Variants in SPAG9 observed in about 807,000 individuals in gnomAD.
SPAG9 encodes the protein C-Jun-amino-terminal kinase-interacting protein 4.
Under a neutral mutation model 166.5 loss-of-function variants are expected in SPAG9, and 35 were observed. That is an observed-to-expected ratio of 0.21 (90% CI 0.16 to 0.28). SPAG9 has a LOEUF of 0.28. Ranked by LOEUF, SPAG9 falls within the 10% of genes least tolerant of loss-of-function variation. The probability of loss-of-function intolerance (pLI) is 1.00; values close to 1 mark genes in which losing one functional copy is unlikely to be tolerated. For missense variants in SPAG9, 1,235 were observed against 1,603.3 expected (o/e 0.77, Z 3.92); for synonymous variants, 534 against 565.5 (o/e 0.94, Z 0.79).
chr17:50,971,025 G>A (rs1449236427), intron 28 of SPAG9, among the ~76,000 whole-genome samples, 169 bp from the exon 29 acceptor site: 1 of 152,040 alleles, frequency 6.6e-6, no homozygotes, highest in East Asian at 1.9e-4. Context: ...TTACATGAAG[G>A]TTTTAAGAAC....
At chr17:51,059,778 A>G (rs867512781) in intron 2 of SPAG9, among the ~76,000 whole-genome samples, 1 of 151,676 alleles carries the variant, frequency 6.6e-6, no homozygotes, top group South Asian at 2.1e-4. Flanking sequence ...CAAAAAACAA[A>G]CAAACAAACA....
chr17:51,022,585 G>A (rs17651063), intron 6 of SPAG9, among the ~76,000 whole-genome samples: 36,449 of 151,426 alleles, frequency 0.24, 5,246 homozygotes, highest in Admixed American at 0.34. Context: ...GGAGCACCCA[G>A]GTTTTAAGAA....
intron 1 of SPAG9, among the ~76,000 whole-genome samples, chr17:51,088,623 C>T (rs897744244): frequency 1.3e-5 from 2 of 152,052 alleles, no homozygotes; most frequent in Non-Finnish European, 2.9e-5. Context: ...GGTGAAACCT[C>T]GTCTCTACTA....
At chr17:51,000,319 C>T (rs1247645823) in intron 13 of SPAG9, among the ~76,000 whole-genome samples, 1 of 152,172 alleles carries the variant, frequency 6.6e-6, no homozygotes, top group Non-Finnish European at 1.5e-5. Context: ...CTTTTCACTA[C>T]TTTTTTGTTA....
intron 1 of SPAG9, among the ~76,000 whole-genome samples, chr17:51,108,490 T>C (rs2049016855): frequency 6.6e-6 from 1 of 152,084 alleles, no homozygotes; most frequent in African/African-American, 2.4e-5. Context: ...ATAATTTGTT[T>C]TCTTTTTGAG....
intron 2 of SPAG9, among the ~76,000 whole-genome samples, chr17:51,077,025 GCTATCTATCTAGCTATCTAGCTAT>G (rs2048007928): frequency 7.0e-4 from 61 of 86,774 alleles, no homozygotes; most frequent in South Asian, 2.2e-3. Context: ...TAGCTATCTA[GCTATCTATCTAGCTATCTAGCTAT>G]CTAGCTAGCT....
chr17:50,981,233 A>G (rs1449501126), intron 25 of SPAG9, among the ~76,000 whole-genome samples: 5 of 152,176 alleles, frequency 3.3e-5, no homozygotes, highest in African/African-American at 1.2e-4. Context: ...TAAAGTATAC[A>G]GGAAACATAA....
intron 29 of SPAG9, among the ~76,000 whole-genome samples, chr17:50,968,089 C>A (rs1429154982): frequency 6.6e-6 from 1 of 152,200 alleles, no homozygotes; most frequent in Non-Finnish European, 1.5e-5. Context: ...TCCCTAACAA[C>A]TCCTCTCATA....
At chr17:51,045,920 T>C (rs945927711) in intron 4 of SPAG9, among the ~76,000 whole-genome samples, 1 of 152,230 alleles carries the variant, frequency 6.6e-6, no homozygotes, top group African/African-American at 2.4e-5. Flanking sequence ...AACTTTGATG[T>C]GTAAATAATG....
chr17:51,060,327 AC>A (rs1354579060), intron 2 of SPAG9, among the ~76,000 whole-genome samples: 3 of 151,866 alleles, frequency 2.0e-5, no homozygotes, highest in Non-Finnish European at 4.4e-5. Context: ...ACATGGTGAA[AC>A]CCTGTTTCTA....
chr17:50,969,397 C>T (rs1973605548), intron 29 of SPAG9, among the ~76,000 whole-genome samples: 1 of 152,178 alleles, frequency 6.6e-6, no homozygotes, highest in Non-Finnish European at 1.5e-5. Flanking sequence ...TCCTTCCCCA[C>T]ATTCTCATCA....
intron 18 of SPAG9, 58 bp downstream of exon 18, chr17:50,994,999 T>C (rs548331013): frequency 2.9e-5 from 40 of 1,397,428 alleles, no homozygotes; most frequent in Non-Finnish European, 3.3e-5. Context: ...AAATTTTGGA[T>C]GAAAGAGTTA....
At chr17:51,012,478 G>A (rs1167663370) in intron 9 of SPAG9, among the ~76,000 whole-genome samples, 2 of 151,744 alleles carry the variant, frequency 1.3e-5, no homozygotes, top group Middle Eastern at 3.4e-3. Flanking sequence ...GCTGAGGCAG[G>A]AGAATCACTT....
intron 6 of SPAG9, among the ~76,000 whole-genome samples, chr17:51,026,320 GAAAAAAAA>G (rs55851511): frequency 1.0e-4 from 9 of 89,370 alleles, no homozygotes; most frequent in Admixed American, 3.2e-4. Flanking sequence ...GGTGAAAAGA[GAAAAAAAA>G]AAAAAAAAAA....
chr17:51,094,312 A>G (rs981867641), intron 1 of SPAG9, among the ~76,000 whole-genome samples: 11 of 152,226 alleles, frequency 7.2e-5, no homozygotes, highest in Admixed American at 7.2e-4. Flanking sequence ...AAAGAGAGAA[A>G]CCAAAACTAT....
intron 16 of SPAG9, 106 bp downstream of exon 16, chr17:50,996,459 T>G: frequency 7.6e-7 from 1 of 1,322,450 alleles, no homozygotes; most frequent in Non-Finnish European, 1.1e-6. Flanking sequence ...TCCATGCGGC[T>G]GAGATGAGCA....
intron 15 of SPAG9, among the ~76,000 whole-genome samples, chr17:50,997,339 G>T (rs535457794): frequency 3.3e-5 from 5 of 152,206 alleles, no homozygotes; most frequent in South Asian, 4.1e-4. Flanking sequence ...TGGCTTTTTT[G>T]TTGTTGTTGT....
At chr17:51,059,464 G>T (rs895577299) in intron 2 of SPAG9, among the ~76,000 whole-genome samples, 1 of 152,002 alleles carries the variant, frequency 6.6e-6, no homozygotes, top group Admixed American at 6.6e-5. Context: ...TTACCGAATA[G>T]ACTGGATAAA....
Position 50,987,213 on chromosome 17 carries a change from A to G in SPAG9, c.2838T>C (p.Asp946=). 6.2e-7 allele frequency: 1 copy of G among 1,611,872 alleles called. No homozygotes were observed. The highest frequency in any genetic ancestry group is 1.1e-5 in the South Asian group (1 of 90,580). ...QSSNDSDAYK[D]QISVLPNEQD... is the part of the protein sequence containing the mutation. ...GTTCATTTGGCAGTACTGATATTTG[A>G]TCTTTATATGCATCTGAGTCATTGC... Residue 946 remains aspartate (D), a synonymous_variant, in exon 22 of 30, where the codon GAT becomes GAC. Transcript: ENST00000262013.
Sources: allele counts gnomAD v4.1 joint callset (sites outside exome capture counted in the v4.1 genomes callset), GRCh38; gene constraint gnomAD v4.1.1; transcripts MANE v1.5; gene names NCBI Gene and HGNC (gene_info 2026-07-23, HGNC 2026-07-21).